Variants in STK33 observed in about 807,000 individuals in gnomAD.
STK33 encodes the protein serine/threonine-protein kinase 33.
A neutral mutation model predicts 58.0 loss-of-function variants in STK33; 52 were observed. That is an observed-to-expected ratio of 0.90 (90% CI 0.72 to 1.13). The LOEUF (loss-of-function observed/expected upper bound fraction) is 1.13. STK33 is among the 50% of genes most tolerant of loss of function. The pLI is 0.00. For missense variants in STK33, 630 were observed against 604.2 expected (o/e 1.04, Z -0.45); for synonymous variants, 215 against 200.1 (o/e 1.07, Z -0.63).
At chr11:8,383,251 G>C in the STK33 span, among the ~76,000 whole-genome samples, 1 of 152,204 alleles carries the variant, frequency 6.6e-6, no homozygotes, top group African/African-American at 2.4e-5. Context: ...AGGCACACAG[G>C]GCTGTGGGAA....
chr11:8,474,373 CA>C (rs1291699530), intron 5 of STK33, among the ~76,000 whole-genome samples: 1 of 152,016 alleles, frequency 6.6e-6, no homozygotes, highest in Non-Finnish European at 1.5e-5. Context: ...AGAAAATACT[CA>C]AAAATTCAGA....
chr11:8,420,589 CCTT>C (rs1479514886), intron 14 of STK33, among the ~76,000 whole-genome samples: 1 of 152,228 alleles, frequency 6.6e-6, no homozygotes, highest in East Asian at 1.9e-4. Context: ...TAGTTTTCCT[CCTT>C]CTTGTCTTCC....
At chr11:8,386,153 G>T in the STK33 span, among the ~76,000 whole-genome samples, 2 of 152,142 alleles carry the variant, frequency 1.3e-5, no homozygotes, top group East Asian at 1.9e-4. Flanking sequence ...ATCTTATACA[G>T]GAAAAGAAAA....
the STK33 span, among the ~76,000 whole-genome samples, chr11:8,374,379 C>T: frequency 4.6e-5 from 7 of 152,206 alleles, no homozygotes; most frequent in Admixed American, 2.6e-4. Flanking sequence ...ATACCACAAA[C>T]CGTGTGGCTC....
chr11:8,481,980 GT>G (rs1369750396), intron 1 of STK33, among the ~76,000 whole-genome samples: 1 of 152,156 alleles, frequency 6.6e-6, no homozygotes, highest in Non-Finnish European at 1.5e-5. Flanking sequence ...TAACTGGTTT[GT>G]TTTTCTTTCA....
chr11:8,350,261 G>A, the STK33 span, among the ~76,000 whole-genome samples: 35 of 152,208 alleles, frequency 2.3e-4, no homozygotes, highest in Non-Finnish European at 1.0e-4. Flanking sequence ...CAGGAGCAGG[G>A]CCCAGACTCC....
chr11:8,382,637 AC>A, the STK33 span, among the ~76,000 whole-genome samples: 2 of 152,108 alleles, frequency 1.3e-5, no homozygotes, highest in African/African-American at 4.8e-5. Flanking sequence ...ACCTGCGCTC[AC>A]CCTGTTTGGA....
intron 1 of STK33, among the ~76,000 whole-genome samples, chr11:8,570,995 C>T (rs1473415840): frequency 1.3e-5 from 2 of 152,160 alleles, no homozygotes; most frequent in Admixed American, 1.3e-4. Context: ...GGACAAAATA[C>T]ATGATACAAT....
At chr11:8,544,252 G>A (rs1460999783) in intron 1 of STK33, among the ~76,000 whole-genome samples, 1 of 149,090 alleles carries the variant, frequency 6.7e-6, no homozygotes, top group Non-Finnish European at 1.5e-5. Context: ...TAAGACTCTG[G>A]CATTCCCAAT....
At chr11:8,578,160 C>T (rs1238090587) in intron 1 of STK33, among the ~76,000 whole-genome samples, 2 of 152,072 alleles carry the variant, frequency 1.3e-5, no homozygotes, top group African/African-American at 4.8e-5. Context: ...TAGGAAAGCA[C>T]TTACTTATTT....
intron 1 of STK33, among the ~76,000 whole-genome samples, chr11:8,528,551 T>G (rs1001088288): frequency 2.0e-5 from 3 of 152,220 alleles, no homozygotes; most frequent in African/African-American, 7.2e-5. Flanking sequence ...TTGCCTCAGT[T>G]TCTTCCCTTA....
At chr11:8,468,888 C>T (rs188925561) in intron 6 of STK33, among the ~76,000 whole-genome samples, 18 of 152,198 alleles carry the variant, frequency 1.2e-4, no homozygotes, top group Admixed American at 4.6e-4. Flanking sequence ...GTTATGTTTA[C>T]ACTATATTAT....
At chr11:8,375,185 C>T in the STK33 span, among the ~76,000 whole-genome samples, 1 of 152,186 alleles carries the variant, frequency 6.6e-6, no homozygotes, top group East Asian at 1.9e-4. Flanking sequence ...TAACTACAGA[C>T]TACTATTAAT....
chr11:8,363,293 TA>T, the STK33 span, among the ~76,000 whole-genome samples: 1 of 152,230 alleles, frequency 6.6e-6, no homozygotes, highest in Non-Finnish European at 1.5e-5. Flanking sequence ...TTTCTCCACT[TA>T]AAAATTTATT....
chr11:8,347,668 T>C, the STK33 span, among the ~76,000 whole-genome samples: 1 of 152,184 alleles, frequency 6.6e-6, no homozygotes, highest in African/African-American at 2.4e-5. Flanking sequence ...CCAGAACTAG[T>C]CATGTGGCCC....
intron 15 of STK33, among the ~76,000 whole-genome samples, chr11:8,395,342 T>A (rs187692265): frequency 6.6e-6 from 1 of 152,184 alleles, no homozygotes; most frequent in Non-Finnish European, 1.5e-5. Flanking sequence ...CCTGCACACA[T>A]TCTCTTGCCT....
the STK33 span, among the ~76,000 whole-genome samples, chr11:8,349,869 T>C: frequency 4.6e-5 from 7 of 152,212 alleles, no homozygotes; most frequent in Admixed American, 1.3e-4. Flanking sequence ...CCACTCCTTA[T>C]AGATTTCTCC....
rs983421821 is a variant in STK33 at position 8,437,307 on chromosome 11, G to A, written c.948-1168C>T. 4.6e-5 allele frequency among the ~76,000 whole-genome samples: 7 copies of A among 152,222 alleles called. No homozygotes were observed. The South Asian group carries it at 1.2e-3, about 27-fold the overall frequency. On this transcript the variant is annotated intron_variant, in intron 12 of 15. Coordinates refer to ENST00000687296, the MANE Select transcript of STK33 (RefSeq NM_001352389.2). ...AGCTATTACTTCAATAAGTGATCTA[G>A]GTCAAAACTACAAGAACAAGCTTAA... is the stretch of plus-strand genomic sequence containing the variant.
intron 1 of STK33, among the ~76,000 whole-genome samples, chr11:8,503,616 A>C (rs1951673494): frequency 6.6e-6 from 1 of 152,162 alleles, no homozygotes; most frequent in African/African-American, 2.4e-5. Context: ...CCTGAAACTA[A>C]AAGTTAAAAA....
Sources: allele counts gnomAD v4.1 joint callset (sites outside exome capture counted in the v4.1 genomes callset), GRCh38; gene constraint gnomAD v4.1.1; transcripts MANE v1.5; gene names NCBI Gene and HGNC (gene_info 2026-07-23, HGNC 2026-07-21).